TAF4B: variants seen among roughly 807,000 people sequenced by gnomAD.
The protein encoded by TAF4B is TATA-box binding protein associated factor 4b.
Under a neutral mutation model 86.4 loss-of-function variants are expected in TAF4B, and 38 were observed. That is an observed-to-expected ratio of 0.44 (90% CI 0.34 to 0.58). The LOEUF (loss-of-function observed/expected upper bound fraction) is 0.58, where lower values mean the gene tolerates loss of function less well. TAF4B is among the 20% of genes least tolerant of loss of function. The pLI, the probability that TAF4B is intolerant of heterozygous loss-of-function variation, is 0.02. For synonymous variants in TAF4B, 388 were observed against 391.2 expected, an observed-to-expected ratio of 0.99 and a Z score of 0.10; for missense variants, 988 against 1,027.6, an observed-to-expected ratio of 0.96 and a Z score of 0.53.
intron 1 of TAF4B, among the ~76,000 whole-genome samples, chr18:26,249,603 T>C (rs1186059802): frequency 1.3e-5 from 2 of 152,216 alleles, no homozygotes; most frequent in African/African-American, 4.8e-5. Context: ...GAAATAAAAA[T>C]GTTATGCACA....
At chr18:26,256,014 T>A in intron 1 of TAF4B, 1 of 1,272,300 alleles carries the variant, frequency 7.9e-7, no homozygotes, top group Non-Finnish European at 1.1e-6. Flanking sequence ...TTACGATGTT[T>A]AAATTCCTTC....
At position 26,286,438 on chromosome 18, in the gene TAF4B, A is replaced by G. The variant is rs1487998234; in HGVS notation, c.1529A>G (p.Gln510Arg). 1.2e-6 allele frequency: 2 copies of G among 1,614,044 alleles called. No individual in the cohort carries two copies. The highest frequency in any genetic ancestry group is 2.7e-5 in the African/African-American group (2 of 74,940). Residue 510 changes from glutamine (Q) to arginine (R), a missense_variant, in exon 7 of 15, where the codon CAG (glutamine) becomes CGG (arginine). Gln to Arg is a conservative substitution (Grantham distance 43). Around this residue, in one of 3 missense-constraint regions of TAF4B, gnomAD observed 747 missense variants for 737.9 expected, o/e 1.01. Transcript: ENST00000269142. ...ACTCCAGTTCAAATCAAACTTGCCC[A>G]GCCGGGCCCTGTCCTTTCACAACCA... ...IGTPVQIKLA[Q>R]PGPVLSQPAG...
At chr18:26,372,713 G>C (rs2057414634) in intron 14 of TAF4B, among the ~76,000 whole-genome samples, 1 of 152,116 alleles carries the variant, frequency 6.6e-6, no homozygotes, top group African/African-American at 2.4e-5. Context: ...GCTCATGCCT[G>C]TAATCCCAGC....
At chr18:26,305,032 GTT>G in intron 9 of TAF4B, 1 of 319,036 alleles carries the variant, frequency 3.1e-6, no homozygotes, top group Non-Finnish European at 4.5e-6. Context: ...TTGGAAATTT[GTT>G]TTTAGTGTTT....
chr18:26,357,068 T>G (rs2057294010), intron 13 of TAF4B, among the ~76,000 whole-genome samples: 1 of 152,150 alleles, frequency 6.6e-6, no homozygotes, highest in African/African-American at 2.4e-5. Flanking sequence ...TGTGATGTAC[T>G]AAAGAGGTTT....
At chr18:26,253,897 G>GC (rs1178697276) in intron 1 of TAF4B, among the ~76,000 whole-genome samples, 279 of 90,418 alleles carry the variant, frequency 3.1e-3, no homozygotes, top group African/African-American at 9.0e-3. Context: ...TAAAACTTAT[G>GC]CCCCCCCACC....
At chr18:26,290,011 C>A (rs2056573127) in intron 7 of TAF4B, among the ~76,000 whole-genome samples, 1 of 152,146 alleles carries the variant, frequency 6.6e-6, no homozygotes, top group African/African-American at 2.4e-5. Context: ...TAACTGGTGT[C>A]AGCCTAAATA....
At chr18:26,376,519 A>AT (rs201177269) in intron 14 of TAF4B, among the ~76,000 whole-genome samples, 51,513 of 146,726 alleles carry the variant, frequency 0.35, 10,684 homozygotes, top group East Asian at 0.79. Context: ...TTGTACATTG[A>AT]TTTTTTTTTT....
chr18:26,346,861 G>GTA (rs1173384806), intron 13 of TAF4B, among the ~76,000 whole-genome samples: 520 of 17,776 alleles, frequency 0.029, 117 homozygotes, highest in African/African-American at 0.049. Flanking sequence ...ATATATATGT[G>GTA]TATATATATA....
At chr18:26,254,511 A>G (rs2056053324) in intron 1 of TAF4B, among the ~76,000 whole-genome samples, 1 of 152,194 alleles carries the variant, frequency 6.6e-6, no homozygotes, top group African/African-American at 2.4e-5. Context: ...TTTTCAATGA[A>G]GTCATCAAAG....
At chr18:26,380,536 A>T (rs2057471038) in intron 14 of TAF4B, among the ~76,000 whole-genome samples, 2 of 152,184 alleles carry the variant, frequency 1.3e-5, no homozygotes, top group Non-Finnish European at 2.9e-5. Flanking sequence ...GTCTTGATGA[A>T]TACTGAATGT....
At chr18:26,374,314 G>T (rs1490872896) in intron 14 of TAF4B, among the ~76,000 whole-genome samples, 1 of 152,006 alleles carries the variant, frequency 6.6e-6, no homozygotes, top group East Asian at 1.9e-4. Context: ...GAGCTTTCAG[G>T]CTCCCAGGAA....
intron 9 of TAF4B, among the ~76,000 whole-genome samples, chr18:26,303,737 C>G (rs1302100782): frequency 1.3e-5 from 2 of 148,536 alleles, no homozygotes; most frequent in Non-Finnish European, 3.0e-5. Context: ...TTGCTATTCC[C>G]TATACATTTA....
At chr18:26,231,745 G>A (rs1175229243) in intron 1 of TAF4B, among the ~76,000 whole-genome samples, 1 of 152,058 alleles carries the variant, frequency 6.6e-6, no homozygotes, top group Non-Finnish European at 1.5e-5. Context: ...CGTGACCTTG[G>A]CGGTGAGTGT....
At chr18:26,361,600 C>T (rs1053527346) in intron 14 of TAF4B, among the ~76,000 whole-genome samples, 1 of 151,732 alleles carries the variant, frequency 6.6e-6, no homozygotes, top group Non-Finnish European at 1.5e-5. Context: ...CAAAAATTAG[C>T]TGGGCGTGGT....
chr18:26,331,604 C>T (rs150284705), intron 12 of TAF4B, among the ~76,000 whole-genome samples: 3 of 152,160 alleles, frequency 2.0e-5, no homozygotes, highest in South Asian at 4.1e-4. Flanking sequence ...AATTACACCA[C>T]CATCTTCCCA....
In TAF4B at chr18:26,242,322, A is replaced by C. The variant is rs948051154; in HGVS notation, c.343+15046A>C. Among the ~76,000 whole-genome samples, 11 of 152,098 alleles carry C rather than the reference A, an allele frequency of 7.2e-5. No homozygotes were observed. The East Asian group carries it at 1.4e-3, about 19-fold the overall frequency. ...AGTTAGCTCTTCTTGTTGAATTGAT[A>C]CCTTTACCATTATGTAATGGCCTCC... On this transcript the variant is annotated intron_variant, in intron 1 of 14. Transcript: ENST00000269142.
intron 13 of TAF4B, among the ~76,000 whole-genome samples, chr18:26,347,007 G>A (rs1305185254): frequency 4.1e-5 from 6 of 144,798 alleles, no homozygotes; most frequent in Admixed American, 7.0e-5. Flanking sequence ...TGCAACCTCC[G>A]CCTCCTGGGT....
intron 14 of TAF4B, among the ~76,000 whole-genome samples, chr18:26,386,868 A>G (rs1017346744): frequency 3.3e-5 from 5 of 152,156 alleles, no homozygotes; most frequent in Non-Finnish European, 5.9e-5. Flanking sequence ...AACCCATGGC[A>G]TATTTCTGGG....
Sources: gnomAD v4.1 joint callset for allele counts (sites outside exome capture counted in the v4.1 genomes callset) on GRCh38, gnomAD v4.1.1 for gene constraint, gnomAD v4.1.1 regional missense constraint, MANE v1.5 for transcripts, NCBI Gene and HGNC (gene_info 2026-07-23, HGNC 2026-07-21) for gene names.